SETD4: variants seen among roughly 807,000 people sequenced by gnomAD.
SETD4 encodes the protein SET domain containing 4, also known as SET domain-containing protein 4.
A neutral mutation model predicts 58.3 loss-of-function variants in SETD4; 46 were observed. The observed-to-expected ratio is 0.79, with a 90% confidence interval of 0.62 to 1.01. SETD4 has a LOEUF of 1.01. Among genes scored for constraint, SETD4 ranks in the 50% least tolerant of loss-of-function variants. The pLI, the probability that SETD4 is intolerant of heterozygous loss-of-function variation, is 0.00. For missense variants in SETD4, 490 were observed against 523.3 expected (o/e 0.94, Z 0.62); for synonymous variants, 190 against 202.6 (o/e 0.94, Z 0.53).
chr21:36,050,441 A>G, intron 4 of SETD4: 1 of 1,614,198 alleles, frequency 6.2e-7, no homozygotes, highest in Non-Finnish European at 8.5e-7. Flanking sequence ...AAGTGGTGGT[A>G]GTCAGAGTAC....
intron 3 of SETD4, among the ~76,000 whole-genome samples, chr21:36,056,059 A>G (rs1410275340): frequency 6.6e-6 from 1 of 152,216 alleles, no homozygotes; most frequent in Non-Finnish European, 1.5e-5. Context: ...AGAGGCTGAC[A>G]ATATGGTTCA....
At chr21:36,039,920 G>A (rs535545445) in intron 9 of SETD4, among the ~76,000 whole-genome samples, 2 of 152,354 alleles carry the variant, frequency 1.3e-5, no homozygotes, top group South Asian at 2.1e-4. Context: ...ACTGTTCAAG[G>A]ACAGCCTGCA....
intron 5 of SETD4, among the ~76,000 whole-genome samples, chr21:36,046,974 C>T (rs529023147): frequency 1.3e-5 from 2 of 152,278 alleles, no homozygotes; most frequent in Admixed American, 6.5e-5. Context: ...AGACAGTATA[C>T]GCCAGGCACA....
chr21:36,036,299 A>G (rs1401846034), intron 10 of SETD4, 48 bp from the exon 11 acceptor site: 4 of 1,432,882 alleles, frequency 2.8e-6, no homozygotes, highest in African/African-American at 2.0e-5. Flanking sequence ...ACATATATAT[A>G]TATTTCACAG....
rs1568908173 is a variant in SETD4 at position 36,041,839 on chromosome 21, CT to C, written c.950del (p.Lys317ArgfsTer5). 5 of 1,481,824 alleles carry C rather than the reference CT, an allele frequency of 3.4e-6. No individual in the cohort carries two copies. In the East Asian group the frequency reaches 1.2e-4, roughly 35 times the overall value. 91.8% of individuals were successfully genotyped at this position (1,481,824 alleles called of 1,614,324 possible). On this transcript the variant is annotated frameshift_variant, in exon 8 of 12. Coordinates refer to ENST00000332131, the MANE Select transcript of SETD4 (RefSeq NM_017438.5). LOFTEE classifies it high-confidence loss of function. ...LPSTDKQMDKKISILKDHGYI... is the reference protein window; with the variant it reads ...LPSTDKQMDKXISILKDHGYI... ...AGCCATGATCCTTTAAAATAGAAAT[CT>C]TTTTGTCCATCTGTTTATCTGTTGA...
intron 2 of SETD4, among the ~76,000 whole-genome samples, chr21:36,058,543 G>A (rs559736696): frequency 6.6e-4 from 100 of 151,386 alleles, no homozygotes; most frequent in African/African-American, 2.3e-3. Flanking sequence ...TTTGAACACT[G>A]TGTGCCTTTG....
chr21:36,048,167 A>G, intron 5 of SETD4, 141 bp downstream of exon 5: 1 of 740,508 alleles, frequency 1.4e-6, no homozygotes, highest in African/African-American at 1.7e-5. Flanking sequence ...GAATGGAGTA[A>G]ACTTTTCACA....
intron 8 of SETD4, among the ~76,000 whole-genome samples, chr21:36,041,159 C>CACA (rs2064036147): frequency 5.0e-5 from 2 of 40,030 alleles, no homozygotes; most frequent in Non-Finnish European, 8.2e-5. Context: ...GACTCCTTCT[C>CACA]AAAAAAAAAA....
In SETD4 at chr21:36,059,770, C is replaced by T. The variant is rs138340653; in HGVS notation, c.-37+577G>A. ...GGCAGAAATGAGCAAGAGACAAGAA[C>T]TCCAGGCAATATTAATACCGCACTT... On this transcript the variant is annotated intron_variant, in intron 1 of 11. Coordinates refer to ENST00000332131, the MANE Select transcript of SETD4 (RefSeq NM_017438.5). 3.5e-4 allele frequency: 347 copies of T among 985,444 alleles called. 1 individual carries two copies. In the African/African-American group the frequency reaches 5.6e-3, roughly 16 times the overall value. 61.0% of individuals were successfully genotyped at this position (985,444 alleles called of 1,614,324 possible).
chr21:36,051,905 TG>T (rs1225476526), intron 4 of SETD4, among the ~76,000 whole-genome samples: 4 of 152,228 alleles, frequency 2.6e-5, no homozygotes, highest in Non-Finnish European at 5.9e-5. Flanking sequence ...GCTCTTTTAC[TG>T]GGATTTCTTA....
intron 1 of SETD4, chr21:36,060,125 C>G (rs1291971724): frequency 1.0e-5 from 10 of 985,436 alleles, no homozygotes; most frequent in African/African-American, 3.5e-5. Flanking sequence ...TCAGGCTCCT[C>G]AGCTTTACGC....
rs992914299 is a variant in SETD4, at chr21:36,040,105, C to G, written c.1064+470G>C. Among the ~76,000 whole-genome samples, 5 of 152,232 alleles carry G rather than the reference C, an allele frequency of 3.3e-5. No individual in the cohort carries two copies. The East Asian group carries it at 5.8e-4, about 18-fold the overall frequency. ...AGGCAGGAACATGAGGGAGCCTGGC[C>G]AGGATGCACACCCACACCGGGGGCT... On this transcript the variant is annotated intron_variant, in intron 9 of 11. Transcript: ENST00000332131.
intron 5 of SETD4, among the ~76,000 whole-genome samples, chr21:36,046,969 G>GT (rs1276157082): frequency 4.6e-5 from 7 of 152,198 alleles, no homozygotes; most frequent in Non-Finnish European, 7.4e-5. Context: ...TTAAGAGACA[G>GT]TATACGCCAG....
chr21:36,057,443 G>A (rs2065044446), intron 2 of SETD4: 1 of 666,302 alleles, frequency 1.5e-6, no homozygotes, highest in Non-Finnish European at 2.8e-6. Context: ...CCAGGAGTTT[G>A]AGCCCAGCCT....
Position 36,045,813 on chromosome 21 carries a change from G to C in SETD4, c.495C>G (p.His165Gln). Reference sequence around the variant, plus strand: ...TGGAGGAAGCAAAGAACTCCTGCACGTGGGCTCTCTGCTCTTCAGCCTTTG... The same window carrying C: ...TGGAGGAAGCAAAGAACTCCTGCACCTGGGCTCTCTGCTCTTCAGCCTTTG... ...LKAKAEEQRA[H>Q]VQEFFASSRD... Residue 165 changes from histidine (H) to glutamine (Q), a missense_variant, in exon 6 of 12, where the codon CAC (histidine) becomes CAG (glutamine). By Grantham distance (24) the His-to-Gln change is conservative. Transcript: ENST00000332131. 1 of 1,614,218 alleles carries C rather than the reference G, an allele frequency of 6.2e-7. No individual in the cohort carries two copies. The highest frequency in any genetic ancestry group is 8.5e-7 in the Non-Finnish European group (1 of 1,180,046).
At chr21:36,050,212 T>C in intron 4 of SETD4, 5 of 1,202,252 alleles carry the variant, frequency 4.2e-6, no homozygotes, top group Non-Finnish European at 5.0e-6. Context: ...CACAAGCTGA[T>C]CAAGATCTGT....
At chr21:36,050,989 T>C in intron 4 of SETD4, 1 of 1,601,586 alleles carries the variant, frequency 6.2e-7, no homozygotes, top group Admixed American at 1.7e-5. Flanking sequence ...ATCCTGGGGA[T>C]GGATGTGTGT....
At chr21:36,052,543 G>C (rs1161467834) in intron 4 of SETD4, among the ~76,000 whole-genome samples, 1 of 127,348 alleles carries the variant, frequency 7.9e-6, no homozygotes, top group Non-Finnish European at 1.6e-5. Context: ...GGGCAACAGA[G>C]CAAGACTCTG....
Position 36,048,360 on chromosome 21 carries a change from G to A in SETD4, c.244C>T (p.Leu82=), listed in dbSNP as rs186217249. Residue 82 remains leucine, a synonymous_variant, in exon 5 of 12, where the codon CTG becomes TTG. Coordinates refer to ENST00000332131, the MANE Select transcript of SETD4 (RefSeq NM_017438.5). ...QMIISLPESC[L]LTTDTVIRSY... ...CGAATCACTGTGTCCGTGGTGAGCAGGCAACTCTCAGGCAACGAAATAATC... is the reference window on the plus strand; with the variant it reads ...CGAATCACTGTGTCCGTGGTGAGCAAGCAACTCTCAGGCAACGAAATAATC... The A allele has an allele frequency of 6.2e-7, 1 of 1,614,092 alleles. No homozygotes were observed. The highest frequency in any genetic ancestry group is 1.3e-5 in the African/African-American group (1 of 75,022).
Sources: allele counts gnomAD v4.1 joint callset (sites outside exome capture counted in the v4.1 genomes callset), GRCh38; gene constraint gnomAD v4.1.1; transcripts MANE v1.5; gene names NCBI Gene and HGNC (gene_info 2026-07-23, HGNC 2026-07-21).